HDAC9: variants seen among roughly 807,000 people sequenced by gnomAD.
HDAC9 encodes histone deacetylase 9, also known as MEF-2 interacting transcription repressor (MITR) protein.
A neutral mutation model predicts 139.4 loss-of-function variants in HDAC9; 41 were observed. The ratio of observed to expected loss-of-function variants is 0.29; its 90% CI spans 0.23 to 0.38. The LOEUF is 0.38. Among genes scored for constraint, HDAC9 ranks in the 10% least tolerant of loss-of-function variants. The pLI, the probability that HDAC9 is intolerant of heterozygous loss-of-function variation, is 1.00. For synonymous variants in HDAC9, 517 were observed against 476.2 expected (o/e 1.09, Z -1.12); for missense variants, 1,147 against 1,297.0 (o/e 0.88, Z 1.78).
At chr7:18,367,004 T>G (rs1399182250) in intron 1 of HDAC9, among the ~76,000 whole-genome samples, 1 of 152,128 alleles carries the variant, frequency 6.6e-6, no homozygotes, top group African/African-American at 2.4e-5. Flanking sequence ...TCACTACCTT[T>G]CTATATAACT....
At chr7:18,406,923 A>G (rs907186391) in intron 1 of HDAC9, among the ~76,000 whole-genome samples, 1 of 152,168 alleles carries the variant, frequency 6.6e-6, no homozygotes, top group African/African-American at 2.4e-5. Flanking sequence ...ATAGGTTCCC[A>G]GAAATAATCA....
At chr7:18,408,151 A>G (rs1391951257) in intron 1 of HDAC9, among the ~76,000 whole-genome samples, 1 of 152,334 alleles carries the variant, frequency 6.6e-6, no homozygotes, top group Non-Finnish European at 1.5e-5. Flanking sequence ...TGTTAATTTG[A>G]TGACAAAAGG....
intron 1 of HDAC9, among the ~76,000 whole-genome samples, chr7:18,388,230 G>A (rs1393817373): frequency 1.3e-5 from 2 of 152,144 alleles, no homozygotes; most frequent in Admixed American, 6.5e-5. Context: ...GTTGTCCCTA[G>A]AGTATTTTAT....
At chr7:18,613,911 G>T (rs539901115) in intron 6 of HDAC9, among the ~76,000 whole-genome samples, 1 of 151,942 alleles carries the variant, frequency 6.6e-6, no homozygotes, top group African/African-American at 2.4e-5. Flanking sequence ...TCATTCATCT[G>T]CTTTACCTCT....
chr7:18,569,576 A>C lies in HDAC9; in HGVS notation c.23-15705A>C, dbSNP rs186722907. 6.5e-4 allele frequency among the ~76,000 whole-genome samples: 99 copies of C among 152,326 alleles called. 2 individuals carry two copies. The East Asian group carries it at 0.018, about 28-fold the overall frequency. On this transcript the variant is annotated intron_variant, in intron 2 of 25. Transcript: ENST00000686413. ...ATTCTGTAATGCTGATGGTTTTCTCAATATTGGCTAATTCTATAAACAGAT... is the reference window on the plus strand; with the variant it reads ...ATTCTGTAATGCTGATGGTTTTCTCCATATTGGCTAATTCTATAAACAGAT...
intron 21 of HDAC9, 76 bp downstream of exon 21, chr7:18,836,073 G>A (rs887755657): frequency 7.9e-6 from 6 of 763,572 alleles, no homozygotes; most frequent in Non-Finnish European, 8.6e-6. Context: ...ATATGGAAGA[G>A]AAATGTAAAT....
At chr7:18,320,211 A>T (rs1799931309) in intron 1 of HDAC9, among the ~76,000 whole-genome samples, 1 of 152,182 alleles carries the variant, frequency 6.6e-6, no homozygotes, top group African/African-American at 2.4e-5. Context: ...TTATCTGCTT[A>T]TGAGATTAAT....
rs76463899 is a variant in HDAC9 at position 18,368,346 on chromosome 7, C to T, written c.-42+77831C>T. Among the ~76,000 whole-genome samples, 854 of 152,110 alleles carry T rather than the reference C, an allele frequency of 5.6e-3. 6 individuals carry two copies. The highest frequency in any genetic ancestry group is 8.9e-3 in the Admixed American group (135 of 15,246). The stretch of plus-strand genomic sequence containing the variant: ...TTGGTATGAGGTGCAGATCCAGTTT[C>T]ATTTTTGTTTTCCATATGGTTAGCC... On this transcript the variant is annotated intron_variant, in intron 1 of 3. Transcript: ENST00000413509.
chr7:18,964,906 C>T (rs552384858), intron 24 of HDAC9, among the ~76,000 whole-genome samples: 1 of 152,182 alleles, frequency 6.6e-6, no homozygotes, highest in Non-Finnish European at 1.5e-5. Context: ...GGCACAAAGC[C>T]TAACCATATC....
At chr7:18,143,425 G>A (rs1184182232) in intron 1 of HDAC9, among the ~76,000 whole-genome samples, 3 of 152,100 alleles carry the variant, frequency 2.0e-5, no homozygotes, top group Non-Finnish European at 4.4e-5. Context: ...CAGGGTGGAG[G>A]CAGAAGCTGT....
chr7:18,162,419 C>A, intron 2 of HDAC9: 1 of 1,367,820 alleles, frequency 7.3e-7, no homozygotes, highest in Non-Finnish European at 9.9e-7. Context: ...TTGTTTCAAA[C>A]CAAGTAATTT....
chr7:18,537,729 TC>T (rs1319238345), intron 2 of HDAC9, among the ~76,000 whole-genome samples: 1 of 152,208 alleles, frequency 6.6e-6, no homozygotes, highest in East Asian at 1.9e-4. Flanking sequence ...TACTGGTTCA[TC>T]CCAGTCTGAC....
At chr7:18,629,151 G>A (rs983058584) in intron 6 of HDAC9, among the ~76,000 whole-genome samples, 199 bp from the exon 7 acceptor site, 16 of 151,932 alleles carry the variant, frequency 1.1e-4, no homozygotes, top group African/African-American at 3.9e-4. Flanking sequence ...AAGTTTCACA[G>A]ATTTCATAAA....
At chr7:18,883,764 G>T (rs1217096360) in intron 22 of HDAC9, among the ~76,000 whole-genome samples, 1 of 151,908 alleles carries the variant, frequency 6.6e-6, no homozygotes, top group East Asian at 1.9e-4. Context: ...GTTTCCAAAT[G>T]ACATGATTTT....
intron 2 of HDAC9, among the ~76,000 whole-genome samples, chr7:18,261,068 C>T (rs903473274): frequency 4.6e-5 from 7 of 151,926 alleles, no homozygotes; most frequent in African/African-American, 1.7e-4. Context: ...TCTGGGAGGC[C>T]GAGGCAGGGA....
In HDAC9 at chr7:18,579,614, C is replaced by T. The variant is rs563454754; in HGVS notation, c.23-5667C>T. ...ACAACCATTTCCCAGGTAAAAATAA[C>T]GTAGGAATAAAATGGCTCTGGGCAG... is the stretch of plus-strand genomic sequence containing the variant. On this transcript the variant is annotated intron_variant, in intron 2 of 25. Transcript: ENST00000686413. 1.4e-4 allele frequency among the ~76,000 whole-genome samples: 22 copies of T among 152,210 alleles called. 1 individual carries two copies. In the South Asian group the frequency reaches 3.7e-3, roughly 26 times the overall value.
At chr7:18,261,622 C>G (rs1194641133) in intron 2 of HDAC9, among the ~76,000 whole-genome samples, 1 of 152,070 alleles carries the variant, frequency 6.6e-6, no homozygotes. Flanking sequence ...TATAAAGTAC[C>G]CACGCAAAAG....
chr7:18,179,740 C>A (rs1397146672), intron 2 of HDAC9, among the ~76,000 whole-genome samples: 1 of 152,192 alleles, frequency 6.6e-6, no homozygotes, highest in African/African-American at 2.4e-5. Context: ...TCTGGAAACA[C>A]CTGTCATCTA....
At chr7:18,154,445 G>A (rs1787024189) in intron 1 of HDAC9, among the ~76,000 whole-genome samples, 1 of 152,192 alleles carries the variant, frequency 6.6e-6, no homozygotes, top group Admixed American at 6.5e-5. Context: ...CTCTTGGGAT[G>A]AAATTTGGCC....
Sources: allele counts gnomAD v4.1 joint callset (sites outside exome capture counted in the v4.1 genomes callset), GRCh38; gene constraint gnomAD v4.1.1; transcripts MANE v1.5; gene names NCBI Gene and HGNC (gene_info 2026-07-23, HGNC 2026-07-21).